The following RUFY2 variants were observed in gnomAD, a reference collection of about 807,000 sequenced individuals.
RUFY2 encodes RUN and FYVE domain-containing protein 2.
Under a neutral mutation model 94.4 loss-of-function variants are expected in RUFY2, and 49 were observed. The observed-to-expected ratio is 0.52, with a 90% CI of 0.41 to 0.66. The LOEUF is 0.66. RUFY2 is among the 30% of genes least tolerant of loss of function. The pLI is 0.00. For missense variants in RUFY2, 541 were observed against 692.8 expected, an observed-to-expected ratio of 0.78 and a Z score of 2.46; for synonymous variants, 255 against 235.7, an observed-to-expected ratio of 1.08 and a Z score of -0.75.
chr10:68,352,654 G>A (rs988619396), intron 16 of RUFY2, among the ~76,000 whole-genome samples: 2 of 152,166 alleles, frequency 1.3e-5, no homozygotes, highest in Admixed American at 1.3e-4. Flanking sequence ...GGGGTGGCTG[G>A]GCACGGTGGC....
downstream of RUFY2, chr10:68,341,404 G>A (rs375538855): frequency 4.4e-6 from 6 of 1,363,234 alleles, no homozygotes; most frequent in African/African-American, 1.5e-5. Flanking sequence ...GGCAGTTGTT[G>A]GGATTTAAAA....
At chr10:68,341,846 G>A (rs1177728168), downstream of RUFY2, 3 of 1,609,006 alleles carry the variant, frequency 1.9e-6, no homozygotes, top group African/African-American at 2.7e-5. Context: ...GGTTTGGGTG[G>A]TTATGGTAAG....
intron 16 of RUFY2, among the ~76,000 whole-genome samples, chr10:68,355,005 C>T (rs1003518760): frequency 2.0e-5 from 3 of 152,140 alleles, no homozygotes; most frequent in Non-Finnish European, 2.9e-5. Context: ...CACTACCACA[C>T]TCAACAAATG....
At position 68,406,194 on chromosome 10, in the gene RUFY2, G is replaced by A. The variant is rs2051285133; in HGVS notation, c.4+992C>T. On this transcript the variant is annotated intron_variant, in intron 1 of 17. Coordinates refer to ENST00000602465, the MANE Select transcript of RUFY2 (RefSeq NM_001330103.2). The stretch of plus-strand genomic sequence containing the variant: ...CAACAACAACAACAAAAAACCCAGA[G>A]TCTCCAATGATCTAGTATTCCAGCT... Among the ~76,000 whole-genome samples, 3 of 151,694 alleles carry A rather than the reference G, an allele frequency of 2.0e-5. No homozygotes were observed. In the South Asian group the frequency reaches 6.2e-4, roughly 32 times the overall value.
intron 12 of RUFY2, chr10:68,377,475 C>A (rs1214045856): frequency 2.0e-6 from 2 of 990,766 alleles, no homozygotes; most frequent in Non-Finnish European, 2.4e-6. Flanking sequence ...GTCCTTCTTA[C>A]GGCATCTTTA....
At chr10:68,371,417 A>G (rs1277396020) in intron 13 of RUFY2, among the ~76,000 whole-genome samples, 1 of 150,556 alleles carries the variant, frequency 6.6e-6, no homozygotes, top group African/African-American at 2.4e-5. Flanking sequence ...CTGAGACTCC[A>G]TCTCAAAAAA....
At chr10:68,393,113 T>C in intron 7 of RUFY2, 25 bp downstream of exon 7, 1 of 1,286,110 alleles carries the variant, frequency 7.8e-7, no homozygotes, top group Non-Finnish European at 1.1e-6. Flanking sequence ...TATTCATAAA[T>C]GTGCTAAGTA....
At chr10:68,367,888 C>G (rs2047971876) in intron 13 of RUFY2, among the ~76,000 whole-genome samples, 1 of 152,036 alleles carries the variant, frequency 6.6e-6, no homozygotes, top group South Asian at 2.1e-4. Context: ...CCATGTGCCA[C>G]CACACCTGGC....
chr10:68,378,405 T>G, intron 12 of RUFY2: 1 of 1,248,702 alleles, frequency 8.0e-7, no homozygotes, highest in Non-Finnish European at 1.0e-6. Context: ...CCCACTCTGC[T>G]TGATGGCAGT....
chr10:68,378,813 AAT>A (rs1464312231), intron 12 of RUFY2: 4 of 602,950 alleles, frequency 6.6e-6, no homozygotes, highest in Middle Eastern at 8.7e-4. Flanking sequence ...ATAAAGCATT[AAT>A]AGTTATGTTT....
chr10:68,397,047 G>A (rs570698510), intron 3 of RUFY2, among the ~76,000 whole-genome samples, 166 bp from the exon 4 acceptor site: 2 of 152,222 alleles, frequency 1.3e-5, no homozygotes, highest in South Asian at 2.1e-4. Flanking sequence ...CTGAGAGCTG[G>A]GTAAATCTGT....
At chr10:68,341,766 G>C (rs1384924007), downstream of RUFY2, 2 of 1,602,430 alleles carry the variant, frequency 1.2e-6, no homozygotes, top group South Asian at 2.2e-5. Context: ...AAGATAATCA[G>C]GGAGGCTATG....
intron 1 of RUFY2, 90 bp from the exon 2 acceptor site, chr10:68,404,934 A>G (rs1256101241): frequency 9.2e-7 from 1 of 1,081,486 alleles, no homozygotes; most frequent in African/African-American, 1.6e-5. Context: ...AAAAACCAAC[A>G]GTAGTTTGCT....
intron 15 of RUFY2, among the ~76,000 whole-genome samples, chr10:68,358,521 C>T (rs2047210052): frequency 6.6e-6 from 1 of 152,180 alleles, no homozygotes; most frequent in African/African-American, 2.4e-5. Flanking sequence ...GGAAAACTGA[C>T]TCTTGGGAAT....
At chr10:68,396,731 C>G (rs2050421987) in intron 4 of RUFY2, 49 bp downstream of exon 4, 1 of 1,180,726 alleles carries the variant, frequency 8.5e-7, no homozygotes, top group African/African-American at 1.5e-5. Flanking sequence ...TGGAAGACAG[C>G]ATATAAATAA....
intron 1 of RUFY2, chr10:68,406,806 C>T: frequency 6.2e-7 from 1 of 1,612,656 alleles, no homozygotes; most frequent in Non-Finnish European, 8.5e-7. Context: ...CGTCAGGCAC[C>T]CAGGCCAAAA....
In RUFY2 at chr10:68,384,156, A is replaced by C; in HGVS notation, c.721-4T>G. 6.2e-7 allele frequency: 1 copy of C among 1,604,940 alleles called. No individual in the cohort carries two copies. Among genetic ancestry groups the C allele is most frequent in the Non-Finnish European group, 8.5e-7 (1 of 1,178,552 alleles). On this transcript the variant is annotated splice_polypyrimidine_tract_variant and splice_region_variant and intron_variant, in intron 8 of 17. Coordinates refer to ENST00000602465, the MANE Select transcript of RUFY2 (RefSeq NM_001330103.2). ...TGTTATTCTTTGCTATTGCTAACTA[A>C]AAATTAAGAAACGGGCAAGAAAAAA... is the stretch of plus-strand genomic sequence containing the variant.
chr10:68,396,714 T>C, intron 4 of RUFY2, 66 bp downstream of exon 4: 2 of 1,023,974 alleles, frequency 2.0e-6, no homozygotes, highest in South Asian at 2.9e-5. Flanking sequence ...ACATCTTAAA[T>C]CCTTTTTGGA....
chr10:68,378,555 G>C (rs768153345), intron 12 of RUFY2: 40 of 1,570,674 alleles, frequency 2.5e-5, no homozygotes, highest in Non-Finnish European at 3.5e-5. Flanking sequence ...TTAAATACAA[G>C]TGGTCTTCAG....
Sources: gnomAD v4.1 joint callset for allele counts (sites outside exome capture counted in the v4.1 genomes callset) on GRCh38, gnomAD v4.1.1 for gene constraint, MANE v1.5 for transcripts, NCBI Gene and HGNC (gene_info 2026-07-23, HGNC 2026-07-21) for gene names.